PLXDC2: variants seen among roughly 807,000 people sequenced by gnomAD.
The protein encoded by PLXDC2 is plexin domain containing 2, also known as plexin domain-containing protein 2.
In PLXDC2, 40 loss-of-function variants were observed where a neutral mutation model predicts 68.9. The ratio of observed to expected loss-of-function variants is 0.58; its 90% CI spans 0.45 to 0.76. The LOEUF is 0.76. PLXDC2 is among the 30% of genes least tolerant of loss of function. The pLI is 0.00. For missense variants in PLXDC2, 644 were observed against 661.9 expected, an observed-to-expected ratio of 0.97 and a Z score of 0.30; for synonymous variants, 243 against 234.2, an observed-to-expected ratio of 1.04 and a Z score of -0.34.
chr10:20,169,702 T>C (rs902553771), intron 7 of PLXDC2, among the ~76,000 whole-genome samples: 2 of 152,128 alleles, frequency 1.3e-5, no homozygotes, highest in Admixed American at 1.3e-4. Context: ...ACTCAGAAAA[T>C]CCACTCATGC....
intron 1 of PLXDC2, among the ~76,000 whole-genome samples, chr10:19,934,800 C>G (rs1833696020): frequency 6.6e-6 from 1 of 152,154 alleles, no homozygotes; most frequent in African/African-American, 2.4e-5. Flanking sequence ...TGTATAAGAG[C>G]CATCTAATCA....
intron 1 of PLXDC2, among the ~76,000 whole-genome samples, chr10:19,929,863 A>G (rs1480465483): frequency 2.0e-5 from 3 of 152,204 alleles, no homozygotes; most frequent in Non-Finnish European, 4.4e-5. Flanking sequence ...ATTCAGTTCC[A>G]GAAAATCACT....
At chr10:20,149,991 G>A (rs1014438258) in intron 6 of PLXDC2, among the ~76,000 whole-genome samples, 1 of 152,126 alleles carries the variant, frequency 6.6e-6, no homozygotes, top group African/African-American at 2.4e-5. Context: ...AAAATACACA[G>A]AGTTTGAACA....
At chr10:20,122,301 C>T (rs926015196) in intron 4 of PLXDC2, among the ~76,000 whole-genome samples, 7 of 152,082 alleles carry the variant, frequency 4.6e-5, no homozygotes, top group South Asian at 2.1e-4. Context: ...TAAGGTAATG[C>T]GGAGTGAGTA....
chr10:20,189,537 A>G (rs11011845), intron 9 of PLXDC2, among the ~76,000 whole-genome samples: 29,939 of 77,196 alleles, frequency 0.39, 4,309 homozygotes, highest in Non-Finnish European at 0.5. Flanking sequence ...ACACACACAT[A>G]TATATACACA....
At chr10:19,910,566 A>T (rs867704482) in intron 1 of PLXDC2, among the ~76,000 whole-genome samples, 7 of 144,190 alleles carry the variant, frequency 4.9e-5, no homozygotes, top group Middle Eastern at 3.5e-3. Flanking sequence ...TGAGACTTGG[A>T]GAGACATCAC....
At chr10:20,082,048 AAAAAAAAAAAAAAATC>A (rs1240818102) in intron 4 of PLXDC2, among the ~76,000 whole-genome samples, 5 of 141,402 alleles carry the variant, frequency 3.5e-5, no homozygotes, top group South Asian at 2.3e-4. Flanking sequence ...TCCATCTGAA[AAAAAAAAAAAAAAATC>A]AAAAAAAAAA....
chr10:20,239,249 A>C (rs1835481858), intron 12 of PLXDC2, among the ~76,000 whole-genome samples: 1 of 152,210 alleles, frequency 6.6e-6, no homozygotes, highest in Admixed American at 6.5e-5. Context: ...ATATAGGAAG[A>C]GTTTACGTCT....
chr10:20,269,561 G>A (rs896313067), intron 13 of PLXDC2, among the ~76,000 whole-genome samples: 1 of 152,126 alleles, frequency 6.6e-6, no homozygotes, highest in African/African-American at 2.4e-5. Context: ...AACATATCAA[G>A]AAAGGTCAAG....
In PLXDC2 at chr10:19,939,886, C is replaced by T. The variant is rs1332721522; in HGVS notation, c.113-61889C>T. 2.0e-5 allele frequency among the ~76,000 whole-genome samples: 3 copies of T among 149,878 alleles called. 1 individual carries two copies. The highest frequency in any genetic ancestry group is 7.6e-5 in the African/African-American group (3 of 39,336). The stretch of plus-strand genomic sequence containing the variant: ...TTTGAATTATGAGCAGAAGAGAATT[C>T]TAATTTTCCACCTATATAGCTTATA... On this transcript the variant is annotated intron_variant, in intron 1 of 13. Coordinates refer to ENST00000377252, the MANE Select transcript of PLXDC2 (RefSeq NM_032812.9).
At chr10:19,961,509 G>T (rs575608046) in intron 1 of PLXDC2, among the ~76,000 whole-genome samples, 1 of 152,202 alleles carries the variant, frequency 6.6e-6, no homozygotes, top group South Asian at 2.1e-4. Context: ...CAAAAATTGC[G>T]TAAGGAGGGT....
intron 1 of PLXDC2, among the ~76,000 whole-genome samples, chr10:19,990,297 G>A (rs1303896847): frequency 2.0e-5 from 3 of 152,058 alleles, no homozygotes; most frequent in East Asian, 3.9e-4. Flanking sequence ...CTATATGAAA[G>A]ACATTGTTTT....
Position 19,973,273 on chromosome 10 carries a change from T to C in PLXDC2, c.113-28502T>C, listed in dbSNP as rs374053596. Among the ~76,000 whole-genome samples the C allele has an allele frequency of 4.8e-4, 72 of 148,992 alleles. 2 individuals are homozygous for C. In the South Asian group the frequency reaches 5.9e-3, roughly 12 times the overall value. On this transcript the variant is annotated intron_variant, in intron 1 of 13. Transcript: ENST00000377252. Reference sequence around the variant, plus strand: ...ATATGTATATATATACTCACAGATATATGTATACACATACATATATATGTA... The same window carrying C: ...ATATGTATATATATACTCACAGATACATGTATACACATACATATATATGTA...
intron 1 of PLXDC2, among the ~76,000 whole-genome samples, chr10:19,966,435 CAT>C (rs1306401810): frequency 2.0e-5 from 3 of 149,968 alleles, no homozygotes; most frequent in African/African-American, 4.9e-5. Flanking sequence ...TATATGTGCA[CAT>C]ATATATAAAA....
At chr10:20,044,247 T>TTCTTTCTTTCTTTCTTTCTTTCTTTC (rs1835752451) in intron 2 of PLXDC2, among the ~76,000 whole-genome samples, 6 of 121,598 alleles carry the variant, frequency 4.9e-5, no homozygotes, top group African/African-American at 1.2e-4. Context: ...CTTTCTTTCT[T>TTCTTTCTTTCTTTCTTTCTTTCTTTC]TCTTTCTTTC....
intron 4 of PLXDC2, among the ~76,000 whole-genome samples, chr10:20,115,501 C>A (rs1007162343): frequency 5.9e-5 from 9 of 152,024 alleles, no homozygotes; most frequent in African/African-American, 1.9e-4. Flanking sequence ...TAAATATATA[C>A]CCTTCACATG....
chr10:20,202,695 C>T (rs974254485), intron 9 of PLXDC2, among the ~76,000 whole-genome samples: 2 of 152,130 alleles, frequency 1.3e-5, no homozygotes, highest in African/African-American at 4.8e-5. Context: ...TCAGTCAAGT[C>T]TTTAGAGTCG....
chr10:20,064,409 A>G (rs977431717), intron 3 of PLXDC2, among the ~76,000 whole-genome samples: 1 of 151,794 alleles, frequency 6.6e-6, no homozygotes, highest in Non-Finnish European at 1.5e-5. Flanking sequence ...TTTAGTAGAG[A>G]TGGGGTTTCA....
intron 3 of PLXDC2, among the ~76,000 whole-genome samples, chr10:20,050,725 C>CA (rs200038320): frequency 5.0e-4 from 74 of 148,934 alleles, no homozygotes; most frequent in Admixed American, 1.3e-3. Flanking sequence ...AACAAACAAA[C>CA]AAAAAAAAAC....
Sources: gnomAD v4.1 joint callset for allele counts (sites outside exome capture counted in the v4.1 genomes callset) on GRCh38, gnomAD v4.1.1 for gene constraint, MANE v1.5 for transcripts, NCBI Gene and HGNC (gene_info 2026-07-23, HGNC 2026-07-21) for gene names.